The following DCC variants were observed in gnomAD, a reference collection of about 807,000 sequenced individuals.
DCC encodes the protein DCC netrin 1 receptor.
DCC carries 58 observed loss-of-function variants against 172.5 expected under a neutral mutation model. That is an observed-to-expected ratio of 0.34 (90% CI 0.27 to 0.42). The LOEUF (loss-of-function observed/expected upper bound fraction) is 0.42, where lower values mean the gene tolerates loss of function less well. Among genes scored for constraint, DCC ranks in the 10% least tolerant of loss-of-function variants. The pLI is 1.00. For synonymous variants in DCC, 709 were observed against 644.5 expected, an observed-to-expected ratio of 1.10 and a Z score of -1.52; for missense variants, 1,740 against 1,791.0, an observed-to-expected ratio of 0.97 and a Z score of 0.51.
At chr18:53,011,579 G>C (rs1187303592) in intron 5 of DCC, among the ~76,000 whole-genome samples, 1 of 151,732 alleles carries the variant, frequency 6.6e-6, no homozygotes, top group Admixed American at 6.6e-5. Flanking sequence ...TGAATGGGAA[G>C]ACTTACAACA....
At chr18:52,820,035 ATAT>A (rs1361172018) in intron 2 of DCC, among the ~76,000 whole-genome samples, 6 of 152,084 alleles carry the variant, frequency 3.9e-5, no homozygotes, top group Admixed American at 6.6e-5. Context: ...GTGAACTTTC[ATAT>A]TATTTTTTCA....
intron 1 of DCC, among the ~76,000 whole-genome samples, chr18:52,373,306 G>A (rs1362808496): frequency 6.6e-6 from 1 of 152,108 alleles, no homozygotes; most frequent in Non-Finnish European, 1.5e-5. Flanking sequence ...ATCTGAGAGT[G>A]TGTGATGCAA....
intron 13 of DCC, among the ~76,000 whole-genome samples, chr18:53,309,037 T>C (rs1599009003): frequency 6.6e-6 from 1 of 152,150 alleles, no homozygotes; most frequent in East Asian, 1.9e-4. Context: ...TCTTCCTTTT[T>C]TATTTGTTTT....
At chr18:53,470,291 C>T (rs562582365) in intron 25 of DCC, among the ~76,000 whole-genome samples, 2 of 152,304 alleles carry the variant, frequency 1.3e-5, no homozygotes, top group Admixed American at 6.5e-5. Flanking sequence ...GTCTCCTTTG[C>T]TTCATTTCCC....
At chr18:52,792,212 CTG>C (rs754588349) in intron 2 of DCC, among the ~76,000 whole-genome samples, 1 of 152,114 alleles carries the variant, frequency 6.6e-6, no homozygotes, top group East Asian at 1.9e-4. Context: ...GTGGGGGCCT[CTG>C]TTCCTAGAAA....
chr18:52,568,691 CA>C (rs199960780), intron 1 of DCC, among the ~76,000 whole-genome samples: 1,877 of 152,142 alleles, frequency 0.012, 9 homozygotes, highest in Non-Finnish European at 0.019. Flanking sequence ...TGTGCTTACA[CA>C]CACACACCCC....
chr18:53,410,370 A>G, intron 19 of DCC, 82 bp from the exon 20 acceptor site: 1 of 829,086 alleles, frequency 1.2e-6, no homozygotes. Context: ...ATTGTAAATT[A>G]CATTTGGGAA....
chr18:53,447,218 G>T (rs1912667906), intron 22 of DCC, among the ~76,000 whole-genome samples: 1 of 152,162 alleles, frequency 6.6e-6, no homozygotes, highest in Admixed American at 6.5e-5. Flanking sequence ...CACAACTCCT[G>T]CAAATAACAA....
intron 27 of DCC, among the ~76,000 whole-genome samples, chr18:53,503,044 G>T (rs1297305296): frequency 6.6e-6 from 1 of 151,960 alleles, no homozygotes; most frequent in Non-Finnish European, 1.5e-5. Flanking sequence ...AGTGTGTGCA[G>T]TGTGTGTTGT....
At chr18:52,631,793 T>C (rs1036628950) in intron 1 of DCC, among the ~76,000 whole-genome samples, 5 of 152,210 alleles carry the variant, frequency 3.3e-5, no homozygotes, top group Non-Finnish European at 5.9e-5. Context: ...CTGACTATAT[T>C]GATTGGCCAA....
chr18:52,633,033 A>C (rs1310326982), intron 1 of DCC, among the ~76,000 whole-genome samples: 2 of 152,200 alleles, frequency 1.3e-5, no homozygotes, highest in East Asian at 3.9e-4. Context: ...AAAAATAAAT[A>C]AATAAATCAA....
chr18:53,120,784 CTTGG>C (rs1036972801), intron 7 of DCC, among the ~76,000 whole-genome samples: 6 of 151,234 alleles, frequency 4.0e-5, no homozygotes, highest in African/African-American at 1.2e-4. Flanking sequence ...ATTTTTCCTT[CTTGG>C]TTGGGTGGGA....
chr18:52,951,515 T>C (rs1465374844), intron 5 of DCC, among the ~76,000 whole-genome samples: 1 of 152,172 alleles, frequency 6.6e-6, no homozygotes, highest in African/African-American at 2.4e-5. Context: ...CTCTCACTTA[T>C]GAGTGAGAAC....
intron 12 of DCC, among the ~76,000 whole-genome samples, chr18:53,231,503 C>G (rs1472082714): frequency 6.6e-6 from 1 of 152,108 alleles, no homozygotes; most frequent in Non-Finnish European, 1.5e-5. Context: ...TGCAAGCAAT[C>G]AGCTATTCTT....
At chr18:52,999,192 G>A (rs1024168773) in intron 5 of DCC, among the ~76,000 whole-genome samples, 1 of 151,726 alleles carries the variant, frequency 6.6e-6, no homozygotes, top group African/African-American at 2.4e-5. Context: ...TTCTTCTGGG[G>A]CAACAACATT....
At chr18:52,597,588 G>C (rs2033934779) in intron 1 of DCC, among the ~76,000 whole-genome samples, 2 of 152,214 alleles carry the variant, frequency 1.3e-5, no homozygotes, top group South Asian at 4.1e-4. Context: ...GGAATTATTA[G>C]AGACCAAACC....
chr18:52,802,420 G>A (rs918322227), intron 2 of DCC, among the ~76,000 whole-genome samples: 1 of 151,464 alleles, frequency 6.6e-6, no homozygotes, highest in African/African-American at 2.4e-5. Context: ...AACAAAACAG[G>A]GTTAGCCATG....
intron 1 of DCC, among the ~76,000 whole-genome samples, chr18:52,464,751 T>C (rs914302714): frequency 1.1e-4 from 16 of 151,954 alleles, no homozygotes; most frequent in African/African-American, 3.4e-4. Flanking sequence ...TGTTTTGTTT[T>C]GTTGGTTTTT....
chr18:52,425,628 C>T (rs1598808609), intron 1 of DCC, among the ~76,000 whole-genome samples: 1 of 152,100 alleles, frequency 6.6e-6, no homozygotes, highest in South Asian at 2.1e-4. Context: ...CTTGTGACTA[C>T]AGTCAGCAGG....
Sources: gnomAD v4.1 joint callset for allele counts (sites outside exome capture counted in the v4.1 genomes callset) on GRCh38, gnomAD v4.1.1 for gene constraint, MANE v1.5 for transcripts, NCBI Gene and HGNC (gene_info 2026-07-23, HGNC 2026-07-21) for gene names.